VEPH1: variants seen among roughly 807,000 people sequenced by gnomAD.
VEPH1 encodes the protein ventricular zone expressed PH domain containing 1.
VEPH1 carries 80 observed loss-of-function variants against 85.2 expected under a neutral mutation model. The ratio of observed to expected loss-of-function variants is 0.94; its 90% CI spans 0.78 to 1.13. The LOEUF is 1.13. VEPH1 is among the 50% of genes most tolerant of loss of function. The pLI is 0.00. For synonymous variants in VEPH1, 297 were observed against 348.0 expected, an observed-to-expected ratio of 0.85 and a Z score of 1.63; for missense variants, 955 against 980.5, an observed-to-expected ratio of 0.97 and a Z score of 0.35.
At chr3:157,454,699 A>G (rs9680932) in intron 4 of VEPH1, among the ~76,000 whole-genome samples, 5,827 of 152,252 alleles carry the variant, frequency 0.038, 367 homozygotes, top group African/African-American at 0.13. Context: ...AATTGAACCC[A>G]TCACAGAGGC....
intron 12 of VEPH1, among the ~76,000 whole-genome samples, chr3:157,268,394 G>A (rs1231576938): frequency 6.6e-6 from 1 of 151,544 alleles, no homozygotes; most frequent in African/African-American, 2.4e-5. Context: ...GATCCAAGAG[G>A]AGAAAAAAGG....
intron 9 of VEPH1, among the ~76,000 whole-genome samples, chr3:157,332,825 A>T (rs1034279153): frequency 1.3e-5 from 2 of 152,302 alleles, no homozygotes; most frequent in African/African-American, 4.8e-5. Context: ...CATATATTTT[A>T]AAATAATTAT....
intron 12 of VEPH1, among the ~76,000 whole-genome samples, chr3:157,265,953 T>C (rs10513507): frequency 0.34 from 51,665 of 150,328 alleles, 9,457 homozygotes; most frequent in East Asian, 0.58. Flanking sequence ...TTTAGCTTTC[T>C]GTGCTTGGTT....
rs1360972613 is a variant in VEPH1, at chr3:157,259,758, C to T, written c.*1376G>A. On this transcript the variant is annotated 3_prime_UTR_variant, in exon 14 of 14. Transcript: ENST00000362010. The stretch of plus-strand genomic sequence containing the variant: ...TCACCACAATTTAGATTTAAAACAG[C>T]ATACATTTATTATCTGAAAGTTTCT... The T allele has an allele frequency of 6.6e-6, 1 of 152,146 alleles. No homozygotes were observed. Among genetic ancestry groups the T allele is most frequent in the Non-Finnish European group, 1.5e-5 (1 of 68,026 alleles). 9.4% of individuals were successfully genotyped at this position (152,146 alleles called of 1,614,324 possible).
intron 4 of VEPH1, among the ~76,000 whole-genome samples, chr3:157,441,549 C>T (rs1734114783): frequency 6.6e-6 from 1 of 152,054 alleles, no homozygotes; most frequent in Non-Finnish European, 1.5e-5. Context: ...GTGGCTCATG[C>T]CTGTAATCCC....
chr3:157,297,786 A>G (rs1387563091), intron 11 of VEPH1, among the ~76,000 whole-genome samples: 1 of 152,184 alleles, frequency 6.6e-6, no homozygotes, highest in African/African-American at 2.4e-5. Context: ...CGACGAAGAA[A>G]GAAATAGGCA....
At chr3:157,464,239 G>A (rs955681475) in intron 3 of VEPH1, among the ~76,000 whole-genome samples, 2 of 152,130 alleles carry the variant, frequency 1.3e-5, no homozygotes, top group East Asian at 1.9e-4. Flanking sequence ...TCTTGGGTTC[G>A]AGGGTCCCAT....
intron 11 of VEPH1, among the ~76,000 whole-genome samples, chr3:157,311,687 A>C (rs1224891062): frequency 6.6e-6 from 1 of 152,238 alleles, no homozygotes; most frequent in African/African-American, 2.4e-5. Context: ...AGTATGCACA[A>C]AACTAGTTTG....
chr3:157,437,942 C>G lies in VEPH1; in HGVS notation c.530-9454G>C, dbSNP rs559117890. 8.5e-5 allele frequency: 130 copies of G among 1,526,600 alleles called. 5 individuals are homozygous for G. The African/African-American group carries it at 1.0e-3, about 12-fold the overall frequency. 94.6% of individuals were successfully genotyped at this position (1,526,600 alleles called of 1,614,324 possible). A position where few individuals can be genotyped will look rare whatever the true frequency, so the allele number is the denominator to read the frequency against. On this transcript the variant is annotated intron_variant, in intron 4 of 13. Transcript: ENST00000362010. Reference sequence around the variant, plus strand: ...AAGGAGGCAAGCGGGGCCGGGACCTCCCACTGCGGCTTTGTTCCGGGAGCG... The same window carrying G: ...AAGGAGGCAAGCGGGGCCGGGACCTGCCACTGCGGCTTTGTTCCGGGAGCG...
At chr3:157,277,697 T>C (rs1465814298) in intron 12 of VEPH1, among the ~76,000 whole-genome samples, 1 of 152,218 alleles carries the variant, frequency 6.6e-6, no homozygotes, top group Non-Finnish European at 1.5e-5. Flanking sequence ...CACATGTATA[T>C]ACACATATAT....
At chr3:157,428,112 CT>C (rs1732881756) in intron 5 of VEPH1, among the ~76,000 whole-genome samples, 1 of 152,212 alleles carries the variant, frequency 6.6e-6, no homozygotes, top group African/African-American at 2.4e-5. Context: ...TGGCATCTAG[CT>C]CGCAGATGAC....
intron 2 of VEPH1, among the ~76,000 whole-genome samples, chr3:157,476,606 A>G (rs574427633): frequency 6.6e-6 from 1 of 152,206 alleles, no homozygotes; most frequent in Non-Finnish European, 1.5e-5. Flanking sequence ...TATCCTGTTA[A>G]GATGAAACAC....
chr3:157,467,481 C>T (rs562516629), intron 3 of VEPH1, among the ~76,000 whole-genome samples: 42 of 152,128 alleles, frequency 2.8e-4, no homozygotes, highest in Admixed American at 9.8e-4. Context: ...ACAAGTAATA[C>T]CAAAATCATC....
intron 9 of VEPH1, among the ~76,000 whole-genome samples, chr3:157,352,271 C>G (rs1724947698): frequency 6.6e-6 from 1 of 152,174 alleles, no homozygotes; most frequent in Admixed American, 6.5e-5. Flanking sequence ...AAAAATAACT[C>G]AACTACTGGA....
At chr3:157,494,971 A>T (rs915362433) in intron 2 of VEPH1, among the ~76,000 whole-genome samples, 4 of 152,096 alleles carry the variant, frequency 2.6e-5, no homozygotes, top group Non-Finnish European at 1.5e-5. Flanking sequence ...GCTGCTCTGC[A>T]ATTTTCAGAA....
chr3:157,497,867 A>G (rs1224844728), intron 1 of VEPH1, among the ~76,000 whole-genome samples: 1 of 152,230 alleles, frequency 6.6e-6, no homozygotes, highest in African/African-American at 2.4e-5. Context: ...ACACACAGCC[A>G]TACAGGAAAG....
intron 4 of VEPH1, among the ~76,000 whole-genome samples, chr3:157,430,063 A>G (rs1208683838): frequency 6.6e-6 from 1 of 152,230 alleles, no homozygotes; most frequent in African/African-American, 2.4e-5. Context: ...ATTATGAAAT[A>G]GTTCAAGTCA....
intron 9 of VEPH1, among the ~76,000 whole-genome samples, chr3:157,333,133 A>G (rs74701617): frequency 1.3e-5 from 2 of 152,376 alleles, no homozygotes; most frequent in East Asian, 3.9e-4. Context: ...AAGTAGGAAT[A>G]ATGAAAAATA....
At chr3:157,282,398 T>C (rs905627648) in intron 12 of VEPH1, among the ~76,000 whole-genome samples, 1 of 152,222 alleles carries the variant, frequency 6.6e-6, no homozygotes, top group South Asian at 2.1e-4. Flanking sequence ...AACACAACTA[T>C]TTGAAATCAA....
Sources: gnomAD v4.1 joint callset for allele counts (sites outside exome capture counted in the v4.1 genomes callset) on GRCh38, gnomAD v4.1.1 for gene constraint, MANE v1.5 for transcripts, NCBI Gene and HGNC (gene_info 2026-07-23, HGNC 2026-07-21) for gene names.